FAM186A: variants seen among roughly 807,000 people sequenced by gnomAD.
FAM186A encodes the protein protein FAM186A.
FAM186A carries 163 observed loss-of-function variants against 216.8 expected under a neutral mutation model. That is an observed-to-expected ratio of 0.75 (90% CI 0.66 to 0.86). The LOEUF (loss-of-function observed/expected upper bound fraction) is 0.86, where lower values mean the gene tolerates loss of function less well. FAM186A is among the 40% of genes least tolerant of loss of function. The pLI, the probability that FAM186A is intolerant of heterozygous loss-of-function variation, is 0.00. For synonymous variants in FAM186A, 805 were observed against 1,025.3 expected, an observed-to-expected ratio of 0.79 and a Z score of 4.10; for missense variants, 2,184 against 2,746.2, an observed-to-expected ratio of 0.80 and a Z score of 4.58.
intron 3 of FAM186A, among the ~76,000 whole-genome samples, chr12:50,358,110 C>G (rs1942996314): frequency 6.6e-6 from 1 of 151,662 alleles, no homozygotes; most frequent in African/African-American, 2.4e-5. Flanking sequence ...CTTATTGAAC[C>G]CTGAGTGATA....
chr12:50,389,727 A>G (rs1235530821), intron 1 of FAM186A, among the ~76,000 whole-genome samples: 1 of 152,180 alleles, frequency 6.6e-6, no homozygotes, highest in East Asian at 1.9e-4. Flanking sequence ...CAAGCAATGA[A>G]GCCACATCTG....
chr12:50,330,861 T>C, intron 6 of FAM186A, 103 bp from the exon 7 acceptor site: 1 of 997,612 alleles, frequency 1.0e-6, no homozygotes, highest in Non-Finnish European at 1.4e-6. Flanking sequence ...TGTCCTATAA[T>C]GCCTTCCCCT....
intron 1 of FAM186A, among the ~76,000 whole-genome samples, chr12:50,390,159 G>A (rs1471737168): frequency 2.6e-5 from 4 of 152,090 alleles, no homozygotes; most frequent in Admixed American, 2.6e-4. Context: ...TTGATTAATG[G>A]GTAGACCACA....
At chr12:50,333,462 G>A (rs999765480) in intron 5 of FAM186A, among the ~76,000 whole-genome samples, 2 of 152,120 alleles carry the variant, frequency 1.3e-5, no homozygotes, top group Non-Finnish European at 2.9e-5. Flanking sequence ...AATCCAGGAG[G>A]TGGAGTTTGC....
intron 1 of FAM186A, among the ~76,000 whole-genome samples, chr12:50,388,323 T>C (rs1016784001): frequency 2.0e-5 from 3 of 152,148 alleles, no homozygotes; most frequent in African/African-American, 7.2e-5. Context: ...GGGTCAAGGT[T>C]TATCCTTTCA....
intron 1 of FAM186A, among the ~76,000 whole-genome samples, chr12:50,370,123 C>CAAAAAAAAAAA (rs56403101): frequency 2.6e-5 from 1 of 38,444 alleles, no homozygotes; most frequent in Non-Finnish European, 4.0e-5. Flanking sequence ...GACTCCATCT[C>CAAAAAAAAAAA]AAAAAAAAAA....
Position 50,329,120 on chromosome 12 carries a change from G to A in FAM186A, c.7034+1453C>T, listed in dbSNP as rs139406102. On this transcript the variant is annotated intron_variant, in intron 7 of 7. Coordinates refer to ENST00000327337, the MANE Select transcript of FAM186A (RefSeq NM_001145475.3). ...GGACGACAGAGGAAGACTCCGTCTC[G>A]AAAATGAATAAATAAATAAAAATAA... 8.5e-3 allele frequency among the ~76,000 whole-genome samples: 1,285 copies of A among 152,068 alleles called. 22 individuals carry two copies. The highest frequency in any genetic ancestry group is 8.4e-3 in the Non-Finnish European group (571 of 67,986).
intron 4 of FAM186A, among the ~76,000 whole-genome samples, chr12:50,344,242 G>A (rs1286725999): frequency 6.6e-6 from 1 of 152,096 alleles, no homozygotes. Context: ...GTACCCAATA[G>A]GTAGTTTTTC....
chr12:50,372,726 C>T (rs1377075888), intron 1 of FAM186A, among the ~76,000 whole-genome samples: 1 of 150,792 alleles, frequency 6.6e-6, no homozygotes, highest in Non-Finnish European at 1.5e-5. Context: ...GATGGTGAAA[C>T]CCCATCTCTA....
At chr12:50,329,731 G>C (rs1299507009) in intron 7 of FAM186A, among the ~76,000 whole-genome samples, 2 of 151,884 alleles carry the variant, frequency 1.3e-5, no homozygotes, top group Non-Finnish European at 2.9e-5. Flanking sequence ...TGAGTAGCTG[G>C]GATTACAGAC....
intron 4 of FAM186A, among the ~76,000 whole-genome samples, chr12:50,341,902 A>T (rs988635480): frequency 6.6e-6 from 1 of 152,168 alleles, no homozygotes; most frequent in Admixed American, 6.6e-5. Context: ...AGCCAGTGTA[A>T]TATCATAGGG....
intron 4 of FAM186A, among the ~76,000 whole-genome samples, chr12:50,334,377 G>A (rs1942687382): frequency 6.6e-6 from 1 of 151,576 alleles, no homozygotes; most frequent in African/African-American, 2.4e-5. Flanking sequence ...TCTCCATGTT[G>A]GTCAGGCTGG....
chr12:50,365,053 A>AAAAT (rs952239734), intron 1 of FAM186A, among the ~76,000 whole-genome samples: 2 of 151,748 alleles, frequency 1.3e-5, no homozygotes, highest in East Asian at 3.9e-4. Context: ...AAAAAAAAAA[A>AAAAT]AAAATTAACA....
chr12:50,380,414 G>A (rs1031179439), intron 1 of FAM186A, among the ~76,000 whole-genome samples: 1 of 150,390 alleles, frequency 6.6e-6, no homozygotes. Context: ...GGTGGCTCAC[G>A]TCTGTAATCC....
In FAM186A at chr12:50,360,765, TC is replaced by T; in HGVS notation, c.573del (p.Ile194TyrfsTer16). 6.5e-7 allele frequency: 1 copy of T among 1,533,524 alleles called. No individual in the cohort carries two copies. Among genetic ancestry groups the T allele is most frequent in the Non-Finnish European group, 8.8e-7 (1 of 1,140,704 alleles). The allele number at this position is 1,533,524 out of a possible 1,614,324, so 95.0% of individuals were successfully genotyped here. A position where few individuals can be genotyped will look rare whatever the true frequency, so the allele number is the denominator to read the frequency against. ...TSFLDEKKKQ[K>X]KKILSRGTLW... is the part of the protein sequence containing the mutation. ...CATAAAGCACCCTTACATATTTTTT[TC>T]TTTTGTTTCTTCTTTTCGTCGAGGA... On this transcript the variant is annotated frameshift_variant, in exon 3 of 8. Coordinates refer to ENST00000327337, the MANE Select transcript of FAM186A (RefSeq NM_001145475.3). LOFTEE classifies it high-confidence loss of function.
At position 50,394,732 on chromosome 12, in the gene FAM186A, C is replaced by CTTTTTTTTTTTTTTTTTTTTTTTTT. The variant is rs71083561; in HGVS notation, c.192+1536_192+1560dup. ...TGAGCCACTGTGCCTGGCTAACACT[C>CTTTTTTTTTTTTTTTTTTTTTTTTT]TTTTTTTTTTTTTTTTTTTTTTTTT... On this transcript the variant is annotated intron_variant, in intron 1 of 7. Coordinates refer to ENST00000327337, the MANE Select transcript of FAM186A (RefSeq NM_001145475.3). Among the ~76,000 whole-genome samples the CTTTTTTTTTTTTTTTTTTTTTTTTT allele has an allele frequency of 1.7e-4, 5 of 29,408 alleles. 2 individuals are homozygous for CTTTTTTTTTTTTTTTTTTTTTTTTT. Among genetic ancestry groups the CTTTTTTTTTTTTTTTTTTTTTTTTT allele is most frequent in the Non-Finnish European group, 2.3e-4 (4 of 17,736 alleles). 19.3% of individuals were successfully genotyped at this position (29,408 alleles called of 152,430 possible). A position where few individuals can be genotyped will look rare whatever the true frequency, so the allele number is the denominator to read the frequency against.
At chr12:50,338,128 G>A (rs1165129952) in intron 4 of FAM186A, among the ~76,000 whole-genome samples, 1 of 152,084 alleles carries the variant, frequency 6.6e-6, no homozygotes, top group Non-Finnish European at 1.5e-5. Flanking sequence ...CATCTACTAT[G>A]GTAATACTAC....
chr12:50,378,977 T>A (rs1033311662), intron 1 of FAM186A, among the ~76,000 whole-genome samples: 20 of 152,202 alleles, frequency 1.3e-4, no homozygotes. Flanking sequence ...GTGGTTGAAT[T>A]AACTATGGTA....
chr12:50,393,402 C>T (rs898557380), intron 1 of FAM186A, among the ~76,000 whole-genome samples: 2 of 151,458 alleles, frequency 1.3e-5, no homozygotes, highest in African/African-American at 2.4e-5. Flanking sequence ...CCGGGCATGA[C>T]GGCGGGTGCC....
Sources: allele counts gnomAD v4.1 joint callset (sites outside exome capture counted in the v4.1 genomes callset), GRCh38; gene constraint gnomAD v4.1.1; transcripts MANE v1.5; gene names NCBI Gene and HGNC (gene_info 2026-07-23, HGNC 2026-07-21).